Variants in PPP3CA observed in about 807,000 individuals in gnomAD.
PPP3CA encodes CAM-PRP catalytic subunit.
In PPP3CA, 14 loss-of-function variants were observed where a neutral mutation model predicts 66.5. The ratio of observed to expected loss-of-function variants is 0.21; its 90% CI spans 0.14 to 0.33. The LOEUF (loss-of-function observed/expected upper bound fraction) is 0.33, where lower values mean the gene tolerates loss of function less well. Ranked by LOEUF, PPP3CA falls within the 10% of genes least tolerant of loss-of-function variation. PPP3CA has a pLI of 1.00. For missense variants in PPP3CA, 317 were observed against 639.5 expected (o/e 0.50, Z 5.44); for synonymous variants, 232 against 226.2 (o/e 1.03, Z -0.23).
At chr4:101,249,616 T>C (rs979743891) in intron 1 of PPP3CA, among the ~76,000 whole-genome samples, 1 of 152,166 alleles carries the variant, frequency 6.6e-6, no homozygotes, top group Non-Finnish European at 1.5e-5. Context: ...ATTTCAGTTA[T>C]TACTGGGTTT....
intron 11 of PPP3CA, among the ~76,000 whole-genome samples, chr4:101,034,296 A>C (rs1224608076): frequency 6.6e-6 from 1 of 152,068 alleles, no homozygotes; most frequent in Admixed American, 6.6e-5. Context: ...CTGCCTTCTA[A>C]TCTTTGCTCC....
At chr4:101,164,679 G>T (rs1358653844) in intron 2 of PPP3CA, among the ~76,000 whole-genome samples, 3 of 151,004 alleles carry the variant, frequency 2.0e-5, no homozygotes, top group Non-Finnish European at 4.4e-5. Context: ...ACTTACTTCA[G>T]TGGTTCCCAG....
chr4:101,252,321 G>A (rs1377211480), intron 1 of PPP3CA, among the ~76,000 whole-genome samples: 1 of 152,134 alleles, frequency 6.6e-6, no homozygotes, highest in Non-Finnish European at 1.5e-5. Flanking sequence ...TGGTTTGTCT[G>A]ACATATGACT....
chr4:101,305,719 G>A (rs1728513250), intron 1 of PPP3CA, among the ~76,000 whole-genome samples: 1 of 152,150 alleles, frequency 6.6e-6, no homozygotes, highest in African/African-American at 2.4e-5. Context: ...ATTTCAGAAT[G>A]AAATCATTTG....
At chr4:101,231,527 G>A (rs545374056) in intron 1 of PPP3CA, among the ~76,000 whole-genome samples, 2 of 151,810 alleles carry the variant, frequency 1.3e-5, no homozygotes, top group Admixed American at 1.3e-4. Flanking sequence ...TTTGTAATGA[G>A]AGAATGTGGT....
intron 1 of PPP3CA, among the ~76,000 whole-genome samples, chr4:101,245,766 T>G (rs1395640013): frequency 6.6e-6 from 1 of 152,066 alleles, no homozygotes; most frequent in East Asian, 1.9e-4. Context: ...TATGAGATAT[T>G]CTGCTTGTTA....
intron 1 of PPP3CA, among the ~76,000 whole-genome samples, chr4:101,272,694 C>T (rs1308640390): frequency 6.6e-6 from 1 of 152,122 alleles, no homozygotes; most frequent in Admixed American, 6.5e-5. Context: ...AGATTAAATG[C>T]ATTAATATCT....
chr4:101,257,924 C>G (rs1203998666), intron 1 of PPP3CA, among the ~76,000 whole-genome samples: 1 of 152,038 alleles, frequency 6.6e-6, no homozygotes, highest in Non-Finnish European at 1.5e-5. Flanking sequence ...GCAAATGAAA[C>G]TGTGTTCAAA....
chr4:101,234,418 A>G (rs577867552), intron 1 of PPP3CA, among the ~76,000 whole-genome samples: 3 of 151,938 alleles, frequency 2.0e-5, no homozygotes, highest in Non-Finnish European at 4.4e-5. Context: ...TTTTTAGTTA[A>G]TAGCCATTCT....
At chr4:101,033,476 T>C (rs1221702585) in intron 11 of PPP3CA, among the ~76,000 whole-genome samples, 1 of 152,192 alleles carries the variant, frequency 6.6e-6, no homozygotes, top group African/African-American at 2.4e-5. Flanking sequence ...TTCCATCTTT[T>C]AGTTACTTAA....
rs77884982 is a variant in PPP3CA at position 101,097,559 on chromosome 4, T to C, written c.642+808A>G. Among the ~76,000 whole-genome samples, 65 of 152,234 alleles carry C rather than the reference T, an allele frequency of 4.3e-4. 1 individual carries two copies. The highest frequency in any genetic ancestry group is 4.0e-3 in the East Asian group (21 of 5,192). On this transcript the variant is annotated intron_variant, in intron 5 of 13. Transcript: ENST00000394854. ...TATTTTAAAATGACCTAAGAAAACA[T>C]TTACATCACTTTCTCCCTTTGGTCC...
At chr4:101,221,454 C>T (rs1578566848) in intron 1 of PPP3CA, among the ~76,000 whole-genome samples, 1 of 81,092 alleles carries the variant, frequency 1.2e-5, no homozygotes, top group Non-Finnish European at 3.4e-5. Context: ...TAAAATAAAA[C>T]GCATATTTTG....
chr4:101,071,462 GT>G (rs1414137578), intron 8 of PPP3CA, among the ~76,000 whole-genome samples: 1 of 152,146 alleles, frequency 6.6e-6, no homozygotes, highest in African/African-American at 2.4e-5. Context: ...ATTAATTCAA[GT>G]TTTTAACATT....
intron 1 of PPP3CA, among the ~76,000 whole-genome samples, chr4:101,332,920 G>A (rs1261720302): frequency 6.6e-6 from 1 of 152,128 alleles, no homozygotes; most frequent in Admixed American, 6.5e-5. Context: ...TGTGGAGGGA[G>A]GCAGAGTGAA....
At chr4:101,298,841 C>CTGTGTGTGTGTG (rs57507050) in intron 1 of PPP3CA, among the ~76,000 whole-genome samples, 2 of 139,988 alleles carry the variant, frequency 1.4e-5, no homozygotes, top group African/African-American at 2.6e-5. Flanking sequence ...CAAGGGTCTA[C>CTGTGTGTGTGTG]TGTGTGTGTG....
At position 101,347,321 on chromosome 4, in the gene PPP3CA, C is replaced by CGCTGCCGCCGCT. The variant is rs1553944380; in HGVS notation, c.-526_-525insAGCGGCGGCAGC. ...TCCCCGGCGGCGGAGAGGCGGCCGC[C>CGCTGCCGCCGCT]GCTGCTGCCGCTGCTGCTGCCGCTG... On this transcript the variant is annotated 5_prime_UTR_variant, in exon 1 of 14. Transcript: ENST00000394854. 2 of 201,750 alleles carry CGCTGCCGCCGCT rather than the reference C, an allele frequency of 9.9e-6. No homozygotes were observed. The highest frequency in any genetic ancestry group is 4.8e-5 in the African/African-American group (2 of 41,730). 12.5% of individuals were successfully genotyped at this position (201,750 alleles called of 1,614,324 possible).
In PPP3CA at chr4:101,160,538, T is replaced by A. The variant is rs145991540; in HGVS notation, c.259+35378A>T. ...CTCTATGGGATAGCTATGTGAATAC[T>A]CGAGAAGCAAAACAAGTCTTGCAAA... On this transcript the variant is annotated intron_variant, in intron 2 of 13. Coordinates refer to ENST00000394854, the MANE Select transcript of PPP3CA (RefSeq NM_000944.5). 1.8e-3 allele frequency among the ~76,000 whole-genome samples: 269 copies of A among 152,244 alleles called. 10 individuals carry two copies. Among genetic ancestry groups the A allele is most frequent in the East Asian group, 0.013 (66 of 5,184 alleles).
chr4:101,331,597 C>T (rs1314735521), intron 1 of PPP3CA, among the ~76,000 whole-genome samples: 1 of 152,162 alleles, frequency 6.6e-6, no homozygotes, highest in African/African-American at 2.4e-5. Context: ...AGAGAAGTTT[C>T]ACACAGGAGA....
At chr4:101,119,349 C>A (rs965078470) in intron 2 of PPP3CA, among the ~76,000 whole-genome samples, 3 of 151,936 alleles carry the variant, frequency 2.0e-5, no homozygotes, top group African/African-American at 7.2e-5. Flanking sequence ...AGCACCGTGA[C>A]GAGTTTCCAG....
Sources: gnomAD v4.1 joint callset for allele counts (sites outside exome capture counted in the v4.1 genomes callset) on GRCh38, gnomAD v4.1.1 for gene constraint, MANE v1.5 for transcripts, NCBI Gene and HGNC (gene_info 2026-07-23, HGNC 2026-07-21) for gene names.